Variants in ATP7A observed in about 807,000 individuals in gnomAD.
The protein encoded by ATP7A is ATPase copper transporting alpha, also known as copper-transporting ATPase 1.
Under a neutral mutation model 83.5 loss-of-function variants are expected in ATP7A, and 7 were observed. The ratio of observed to expected loss-of-function variants is 0.08; its 90% CI spans 0.05 to 0.16. The LOEUF (loss-of-function observed/expected upper bound fraction) is 0.16, where lower values mean the gene tolerates loss of function less well. Ranked by LOEUF, ATP7A falls within the 10% of genes least tolerant of loss-of-function variation. The probability of loss-of-function intolerance (pLI) is 1.00; values close to 1 mark genes in which losing one functional copy is unlikely to be tolerated. For synonymous variants in ATP7A, 354 were observed against 395.2 expected (o/e 0.90, Z 1.24); for missense variants, 940 against 1,120.8 (o/e 0.84, Z 2.30).
intron 6 of ATP7A, among the ~76,000 whole-genome samples, chrX:78,006,858 T>C (rs1448608690): frequency 8.9e-6 from 1 of 112,577 alleles, no homozygotes; most frequent in Admixed American, 9.5e-5. Flanking sequence ...CCAAATAATA[T>C]TCCAATGTAT....
intron 2 of ATP7A, among the ~76,000 whole-genome samples, chrX:77,984,129 G>A (rs1178738195): frequency 9.0e-6 from 1 of 111,341 alleles, no homozygotes; most frequent in Non-Finnish European, 1.9e-5. Flanking sequence ...GTAGGGCAGA[G>A]AAGGGAAGTT....
intron 1 of ATP7A, among the ~76,000 whole-genome samples, chrX:77,952,445 C>T (rs1466222774): frequency 8.9e-6 from 1 of 111,822 alleles, no homozygotes; most frequent in Non-Finnish European, 1.9e-5. Context: ...TTGCATTTCC[C>T]TGATGACGTA....
chrX:78,012,906 C>A lies in ATP7A; in HGVS notation c.2200C>A (p.Gln734Lys), dbSNP rs782625441. 39 of 1,211,454 alleles carry A rather than the reference C, an allele frequency of 3.2e-5. No individual in the cohort carries two copies. In the East Asian group the frequency reaches 1.2e-3, roughly 36 times the overall value. The change falls in exon 10 of 23, where the codon CAG (glutamine) becomes AAG (lysine). Residue 734 changes from glutamine to lysine, a missense_variant. Coordinates refer to ENST00000341514, the MANE Select transcript of ATP7A (RefSeq NM_000052.7). ...QFFGGWYFYIQAYKALKHKTA... is the reference protein window; with the variant it reads ...QFFGGWYFYIKAYKALKHKTA... ...TTTCGGAGGCTGGTACTTCTACATT[C>A]AGGCTTATAAAGCACTGAAGCATAA...
In ATP7A at chrX:78,012,864, A is replaced by C; in HGVS notation, c.2173-15A>C. 8.6e-7 allele frequency: 1 copy of C among 1,165,696 alleles called. No individual in the cohort carries two copies. On this transcript the variant is annotated splice_polypyrimidine_tract_variant and intron_variant, in intron 9 of 22. Coordinates refer to ENST00000341514, the MANE Select transcript of ATP7A (RefSeq NM_000052.7). ...CATTTTTTAAAATTCAATGATTATCATTCCTATATTGCAGTTTTTCGGAGG... is the reference window on the plus strand; with the variant it reads ...CATTTTTTAAAATTCAATGATTATCCTTCCTATATTGCAGTTTTTCGGAGG...
At chrX:77,997,792 T>C (rs1171596820) in intron 4 of ATP7A, among the ~76,000 whole-genome samples, 2 of 110,960 alleles carry the variant, frequency 1.8e-5, no homozygotes, top group African/African-American at 3.3e-5. Context: ...TTGTGCAAAA[T>C]AGACTTTTTG....
At chrX:77,940,093 T>A (rs782505701) in intron 1 of ATP7A, among the ~76,000 whole-genome samples, 1 of 110,501 alleles carries the variant, frequency 9.0e-6, no homozygotes, top group African/African-American at 3.3e-5. Flanking sequence ...AAAAGAAGGA[T>A]GACAAGGGGG....
chrX:78,037,980 G>GTTTTTTTTTTTTTTTTTTTT (rs782643561), intron 17 of ATP7A, among the ~76,000 whole-genome samples: 4 of 51,200 alleles, frequency 7.8e-5, no homozygotes, highest in Admixed American at 2.5e-4. Flanking sequence ...ATCAAGAAAG[G>GTTTTTTTTTTTTTTTTTTTT]TTTTTTTTTT....
At chrX:77,946,500 A>G (rs1198475775) in intron 1 of ATP7A, among the ~76,000 whole-genome samples, 3 of 110,265 alleles carry the variant, frequency 2.7e-5, no homozygotes, top group Non-Finnish European at 3.8e-5. Context: ...TCACATTTAA[A>G]GTATATATAA....
intron 1 of ATP7A, among the ~76,000 whole-genome samples, chrX:77,948,517 A>G (rs1292903797): frequency 8.9e-6 from 1 of 112,459 alleles, no homozygotes; most frequent in Non-Finnish European, 1.9e-5. Context: ...CAAATGTTGT[A>G]TAAAACTGTG....
chrX:78,009,390 G>T (rs1557234136), intron 7 of ATP7A, 127 bp downstream of exon 7: 1 of 796,260 alleles, frequency 1.3e-6, no homozygotes, highest in East Asian at 3.2e-5. Flanking sequence ...CTTCAAACAA[G>T]ATCTGTCTCA....
In ATP7A at chrX:78,011,531, C is replaced by G. The variant is rs782761381; in HGVS notation, c.2029C>G (p.His677Asp). The G allele has an allele frequency of 1.3e-4, 155 of 1,208,152 alleles. No individual in the cohort carries two copies. The highest frequency in any genetic ancestry group is 1.7e-4 in the Non-Finnish European group (152 of 894,262). Residue 677 changes from histidine to aspartate, a missense_variant, in exon 9 of 23, where the codon CAC becomes GAC. Transcript: ENST00000341514. ...LMIYMMVMDH[H>D]FATLHHNQNM... is the part of the protein sequence containing the mutation. ...GATATATATGATGGTTATGGACCACCACTTTGCAACTCTTCACCATAATCA... is the reference window on the plus strand; with the variant it reads ...GATATATATGATGGTTATGGACCACGACTTTGCAACTCTTCACCATAATCA...
chrX:77,955,500 GT>G (rs2077436284), intron 1 of ATP7A, among the ~76,000 whole-genome samples: 1 of 111,109 alleles, frequency 9.0e-6, no homozygotes, highest in African/African-American at 3.3e-5. Flanking sequence ...TAGTTCATTT[GT>G]TTTTAAAATT....
intron 1 of ATP7A, chrX:77,924,405 G>C (rs1407495522): frequency 9.0e-6 from 1 of 111,356 alleles, no homozygotes; most frequent in Non-Finnish European, 1.9e-5. Flanking sequence ...TTGGGATTCT[G>C]CTTGCTTATG....
chrX:77,913,775 A>G (rs1557222193), intron 1 of ATP7A, among the ~76,000 whole-genome samples: 2 of 112,103 alleles, frequency 1.8e-5, no homozygotes, highest in Non-Finnish European at 3.8e-5. Context: ...AAATGAGGGT[A>G]AAATACCCCA....
At chrX:77,929,636 CTTTTT>C (rs782018510) in intron 1 of ATP7A, among the ~76,000 whole-genome samples, 2 of 96,448 alleles carry the variant, frequency 2.1e-5, no homozygotes, top group African/African-American at 7.5e-5. Flanking sequence ...TTTTCTTTTT[CTTTTT>C]TTTTTTTTTT....
At chrX:78,004,637 C>T (rs956597648) in intron 6 of ATP7A, among the ~76,000 whole-genome samples, 2 of 110,001 alleles carry the variant, frequency 1.8e-5, no homozygotes. Flanking sequence ...AATCCCAGCA[C>T]TTTGGGAGGC....
intron 1 of ATP7A, among the ~76,000 whole-genome samples, chrX:77,943,596 GAA>G: frequency 9.0e-6 from 1 of 110,822 alleles, no homozygotes; most frequent in South Asian, 3.7e-4. Flanking sequence ...ATAAAAATAA[GAA>G]ATTAAAAAAA....
At chrX:78,032,217 T>G (rs1350573806) in intron 16 of ATP7A, among the ~76,000 whole-genome samples, 1 of 112,197 alleles carries the variant, frequency 8.9e-6, no homozygotes, top group Non-Finnish European at 1.9e-5. Flanking sequence ...TGCCTCATTG[T>G]TTTTAATGGC....
chrX:78,011,621 C>T lies in ATP7A; in HGVS notation c.2119C>T (p.Pro707Ser). ...TATGTTCCTGGAGCGCCAGATTCTT[C>T]CAGGATTGTCTGTTATGAATTTGCT... ...SSMFLERQIL[P>S]GLSVMNLLSF... The change falls in exon 9 of 23, where the codon CCA becomes TCA. Residue 707 changes from proline to serine, a missense_variant. Physicochemically the swap from Pro to Ser is moderately conservative, Grantham distance 74. Transcript: ENST00000341514. The T allele has an allele frequency of 6.6e-6, 8 of 1,211,304 alleles. No homozygotes were observed. Among genetic ancestry groups the T allele is most frequent in the Non-Finnish European group, 7.8e-6 (7 of 895,318 alleles).
Sources: gnomAD v4.1 joint callset for allele counts (sites outside exome capture counted in the v4.1 genomes callset) on GRCh38, gnomAD v4.1.1 for gene constraint, MANE v1.5 for transcripts, NCBI Gene and HGNC (gene_info 2026-07-23, HGNC 2026-07-21) for gene names.